Variants in CAMKMT observed in about 807,000 individuals in gnomAD.
The protein encoded by CAMKMT is CaM KMT.
A neutral mutation model predicts 48.0 loss-of-function variants in CAMKMT; 53 were observed. The observed-to-expected ratio is 1.10, with a 90% confidence interval of 0.89 to 1.39. The LOEUF (loss-of-function observed/expected upper bound fraction) is 1.39. CAMKMT is among the 40% of genes most tolerant of loss of function. The pLI, the probability that CAMKMT is intolerant of heterozygous loss-of-function variation, is 0.00. For missense variants in CAMKMT, 428 were observed against 402.7 expected (o/e 1.06, Z -0.54); for synonymous variants, 165 against 152.3 (o/e 1.08, Z -0.61).
chr2:44,483,407 A>C (rs1482665392), intron 3 of CAMKMT, among the ~76,000 whole-genome samples: 1 of 152,250 alleles, frequency 6.6e-6, no homozygotes, highest in East Asian at 1.9e-4. Flanking sequence ...AGTCTAATGG[A>C]CTTTATTAGC....
chr2:44,680,993 A>G (rs1401138244), intron 3 of CAMKMT, among the ~76,000 whole-genome samples: 1 of 152,144 alleles, frequency 6.6e-6, no homozygotes, highest in Non-Finnish European at 1.5e-5. Context: ...TTTTAGAGAA[A>G]AATCTGTAAA....
At chr2:44,523,512 C>G (rs755325386) in intron 3 of CAMKMT, among the ~76,000 whole-genome samples, 1 of 151,752 alleles carries the variant, frequency 6.6e-6, no homozygotes, top group Non-Finnish European at 1.5e-5. Flanking sequence ...CCAGGCTGGT[C>G]TTGAACTCCT....
At chr2:44,748,924 G>T (rs913314563) in intron 8 of CAMKMT, among the ~76,000 whole-genome samples, 2 of 152,152 alleles carry the variant, frequency 1.3e-5, no homozygotes, top group African/African-American at 4.8e-5. Flanking sequence ...TTCCTTTCTC[G>T]TTAATTCTTA....
intron 2 of CAMKMT, among the ~76,000 whole-genome samples, chr2:44,375,377 TA>T (rs963996366): frequency 8.0e-4 from 121 of 151,176 alleles, no homozygotes; most frequent in African/African-American, 2.7e-3. Flanking sequence ...TATATATATA[TA>T]AAAAAACAGA....
At chr2:44,705,849 C>G (rs1247008382) in intron 4 of CAMKMT, among the ~76,000 whole-genome samples, 1 of 151,988 alleles carries the variant, frequency 6.6e-6, no homozygotes, top group African/African-American at 2.4e-5. Context: ...TTGTATGTAA[C>G]TATAATATAG....
At position 44,504,570 on chromosome 2, in the gene CAMKMT, C is replaced by G. The variant is rs147351667; in HGVS notation, c.376+114265C>G. Among the ~76,000 whole-genome samples the G allele has an allele frequency of 3.7e-4, 56 of 152,244 alleles. No individual in the cohort carries two copies. The East Asian group carries it at 4.4e-3, about 12-fold the overall frequency. On this transcript the variant is annotated intron_variant, in intron 3 of 10. Transcript: ENST00000378494. ...GGGGTTTGTTCAATTTCCTATGCCT[C>G]TTACAAGGGCAGAATTGAGGTGGGG...
intron 3 of CAMKMT, among the ~76,000 whole-genome samples, chr2:44,588,296 G>A (rs1158104758): frequency 7.9e-5 from 5 of 63,618 alleles, no homozygotes; most frequent in Non-Finnish European, 1.5e-4. Context: ...CACCCCGTCC[G>A]GGAGGGAGGG....
chr2:44,456,656 G>T, intron 3 of CAMKMT: 1 of 1,531,714 alleles, frequency 6.5e-7, no homozygotes, highest in South Asian at 1.2e-5. Context: ...GGGGAGATGG[G>T]ACTTATAAGA....
chr2:44,390,160 C>A, intron 2 of CAMKMT, 81 bp from the exon 3 acceptor site: 4 of 965,738 alleles, frequency 4.1e-6, no homozygotes, highest in Non-Finnish European at 6.5e-6. Context: ...CCATAATATA[C>A]AGTCTCAGTC....
intron 9 of CAMKMT, among the ~76,000 whole-genome samples, chr2:44,759,683 G>T (rs1223514605): frequency 6.6e-6 from 1 of 152,154 alleles, no homozygotes; most frequent in Non-Finnish European, 1.5e-5. Context: ...AAGGGTTGTA[G>T]CTTATAGAGA....
At chr2:44,495,823 A>G (rs2104726223) in intron 3 of CAMKMT, among the ~76,000 whole-genome samples, 1 of 152,316 alleles carries the variant, frequency 6.6e-6, no homozygotes, top group Non-Finnish European at 1.5e-5. Flanking sequence ...CCACCAGTGA[A>G]CAGGACCAGC....
chr2:44,765,308 G>C (rs1680792158), intron 9 of CAMKMT, among the ~76,000 whole-genome samples: 1 of 152,038 alleles, frequency 6.6e-6, no homozygotes, highest in African/African-American at 2.4e-5. Context: ...ACAACATAGA[G>C]TGGCTTAAAG....
At chr2:44,444,733 C>T (rs898993671) in intron 3 of CAMKMT, among the ~76,000 whole-genome samples, 4 of 152,220 alleles carry the variant, frequency 2.6e-5, no homozygotes, top group Admixed American at 2.0e-4. Context: ...ATAGGGTGCC[C>T]ATCACCCAGA....
At chr2:44,396,613 G>A (rs1419750564) in intron 3 of CAMKMT, among the ~76,000 whole-genome samples, 3 of 152,036 alleles carry the variant, frequency 2.0e-5, no homozygotes, top group Non-Finnish European at 4.4e-5. Flanking sequence ...AAATTGTAGG[G>A]AACTGGGTAT....
chr2:44,454,066 G>A (rs1338430762), intron 3 of CAMKMT, among the ~76,000 whole-genome samples: 3 of 151,960 alleles, frequency 2.0e-5, no homozygotes, highest in South Asian at 2.1e-4. Context: ...ATAAGGAGAC[G>A]GTAACATCTG....
chr2:44,449,823 G>A (rs1667197518), intron 3 of CAMKMT, among the ~76,000 whole-genome samples: 1 of 152,132 alleles, frequency 6.6e-6, no homozygotes, highest in Non-Finnish European at 1.5e-5. Flanking sequence ...TCTTTGGGGA[G>A]GGGGTTAGTA....
At chr2:44,546,381 A>C (rs1667407349) in intron 3 of CAMKMT, among the ~76,000 whole-genome samples, 3 of 152,216 alleles carry the variant, frequency 2.0e-5, no homozygotes. Flanking sequence ...ACATCAGAGC[A>C]GGCTCAGCCT....
intron 3 of CAMKMT, among the ~76,000 whole-genome samples, chr2:44,540,447 G>A (rs114832024): frequency 0.012 from 1,802 of 152,198 alleles, 45 homozygotes; most frequent in African/African-American, 0.042. Context: ...AGTGGAAAGT[G>A]TTATTTAAAA....
At chr2:44,576,343 A>G (rs113448334) in intron 3 of CAMKMT, among the ~76,000 whole-genome samples, 8 of 150,702 alleles carry the variant, frequency 5.3e-5, no homozygotes, top group African/African-American at 7.3e-5. Context: ...AAAAAAAAAA[A>G]AAAGAAAAGA....
Sources: gnomAD v4.1 joint callset for allele counts (sites outside exome capture counted in the v4.1 genomes callset) on GRCh38, gnomAD v4.1.1 for gene constraint, MANE v1.5 for transcripts, NCBI Gene and HGNC (gene_info 2026-07-23, HGNC 2026-07-21) for gene names.